LARGE1: variants seen among roughly 807,000 people sequenced by gnomAD.
The protein encoded by LARGE1 is LARGE xylosyl- and glucuronyltransferase 1, also known as xylosyl- and glucuronyltransferase LARGE1.
LARGE1 carries 43 observed loss-of-function variants against 87.6 expected under a neutral mutation model. That is an observed-to-expected ratio of 0.49 (90% CI 0.38 to 0.63). The LOEUF is 0.63. LARGE1 is among the 30% of genes least tolerant of loss of function. The pLI, the probability that LARGE1 is intolerant of heterozygous loss-of-function variation, is 0.00. For synonymous variants in LARGE1, 434 were observed against 394.6 expected, an observed-to-expected ratio of 1.10 and a Z score of -1.18; for missense variants, 802 against 1,000.2, an observed-to-expected ratio of 0.80 and a Z score of 2.67.
chr22:33,775,446 C>G (rs1249288161), intron 1 of LARGE1, among the ~76,000 whole-genome samples: 1 of 152,224 alleles, frequency 6.6e-6, no homozygotes, highest in African/African-American at 2.4e-5. Context: ...GCTAGACTTT[C>G]CCACACCAAC....
At chr22:33,304,745 A>G (rs1205528159) in intron 11 of LARGE1, among the ~76,000 whole-genome samples, 1 of 151,790 alleles carries the variant, frequency 6.6e-6, no homozygotes, top group Non-Finnish European at 1.5e-5. Flanking sequence ...GTTGTATCCC[A>G]CTATAAGCCT....
At chr22:33,267,601 G>A (rs1252892873), downstream of LARGE1, among the ~76,000 whole-genome samples, 3 of 151,242 alleles carry the variant, frequency 2.0e-5, no homozygotes, top group Non-Finnish European at 1.5e-5. Context: ...AGAGTGATCA[G>A]CCGATTGTGA....
At chr22:33,183,303 C>T (rs545591487) in intron 11 of LARGE1, among the ~76,000 whole-genome samples, 1 of 152,076 alleles carries the variant, frequency 6.6e-6, no homozygotes, top group South Asian at 2.1e-4. Context: ...CTTAAGATGG[C>T]TATTATCAAC....
intron 9 of LARGE1, among the ~76,000 whole-genome samples, chr22:33,367,906 TTTAAA>T (rs1325715879): frequency 6.6e-6 from 1 of 152,216 alleles, no homozygotes; most frequent in African/African-American, 2.4e-5. Flanking sequence ...TAGTTTTCAA[TTTAAA>T]TTATTTATGT....
chr22:33,681,866 C>T (rs1428905280), intron 2 of LARGE1, among the ~76,000 whole-genome samples: 2 of 152,234 alleles, frequency 1.3e-5, no homozygotes, highest in Admixed American at 1.3e-4. Flanking sequence ...AATGTCACAG[C>T]CCACTTTTAC....
rs1001907937 is a variant in LARGE1 at position 33,252,175 on chromosome 22, A to G, written c.1730+52054T>C. On this transcript the variant is annotated intron_variant, in intron 11 of 11. Coordinates refer to the LARGE1 transcript ENST00000608642. ...ATGAATGAGTTAACTAATCAAATAA[A>G]CCTTTGATAACTCCTAATAATTATT... is the stretch of plus-strand genomic sequence containing the variant. Among the ~76,000 whole-genome samples, 18 of 151,962 alleles carry G rather than the reference A, an allele frequency of 1.2e-4. 1 individual carries two copies. Among genetic ancestry groups the G allele is most frequent in the Non-Finnish European group, 1.5e-5 (1 of 67,982 alleles).
chr22:33,534,248 C>A (rs1387152916), intron 6 of LARGE1, among the ~76,000 whole-genome samples: 3 of 151,826 alleles, frequency 2.0e-5, no homozygotes, highest in African/African-American at 7.3e-5. Context: ...ACTAAAAATA[C>A]AAAAAATTAG....
chr22:33,871,297 A>G (rs2064273356), intron 1 of LARGE1, among the ~76,000 whole-genome samples: 1 of 152,234 alleles, frequency 6.6e-6, no homozygotes. Context: ...CAGACAGAGT[A>G]AAATAAAGCT....
At chr22:33,336,069 G>C (rs1314755813) in intron 10 of LARGE1, among the ~76,000 whole-genome samples, 5 of 152,320 alleles carry the variant, frequency 3.3e-5, no homozygotes, top group South Asian at 4.1e-4. Flanking sequence ...AGGTACTTCT[G>C]TGTCTAATAC....
intron 4 of LARGE1, among the ~76,000 whole-genome samples, chr22:33,613,976 C>G (rs1391129208): frequency 7.9e-5 from 12 of 152,160 alleles, no homozygotes; most frequent in African/African-American, 2.9e-4. Flanking sequence ...GGGGTATGCC[C>G]TGGGCCCCCC....
At chr22:33,346,058 C>T (rs1939705256) in intron 9 of LARGE1, among the ~76,000 whole-genome samples, 1 of 152,126 alleles carries the variant, frequency 6.6e-6, no homozygotes, top group African/African-American at 2.4e-5. Context: ...GATAGGTAGG[C>T]CTGATGCAAA....
At chr22:33,584,236 T>C (rs991213149) in intron 5 of LARGE1, among the ~76,000 whole-genome samples, 2 of 152,234 alleles carry the variant, frequency 1.3e-5, no homozygotes, top group African/African-American at 2.4e-5. Context: ...CGAAAGCCTG[T>C]CATTAACTCA....
intron 3 of LARGE1, among the ~76,000 whole-genome samples, chr22:33,627,888 C>T (rs566754749): frequency 2.6e-5 from 4 of 152,290 alleles, no homozygotes; most frequent in African/African-American, 7.2e-5. Flanking sequence ...GGACTCAGAG[C>T]CTCACATCAC....
chr22:33,390,966 G>A (rs1211196765), intron 7 of LARGE1, among the ~76,000 whole-genome samples: 1 of 152,060 alleles, frequency 6.6e-6, no homozygotes. Context: ...CAAAGTGCTG[G>A]GAACACAGGT....
chr22:33,341,561 C>T (rs1465424459), intron 9 of LARGE1, among the ~76,000 whole-genome samples: 1 of 152,070 alleles, frequency 6.6e-6, no homozygotes, highest in African/African-American at 2.4e-5. Context: ...ATAAATACTG[C>T]TCTAGAAGAC....
intron 6 of LARGE1, among the ~76,000 whole-genome samples, chr22:33,450,460 A>AG (rs1485898878): frequency 2.0e-5 from 3 of 151,074 alleles, no homozygotes; most frequent in Admixed American, 6.6e-5. Flanking sequence ...AAAAAAAAAA[A>AG]AAATTAGCCA....
At chr22:33,390,592 T>C (rs555751318) in intron 7 of LARGE1, among the ~76,000 whole-genome samples, 79 of 152,236 alleles carry the variant, frequency 5.2e-4, no homozygotes, top group Non-Finnish European at 9.6e-4. Context: ...TCATGTGGGC[T>C]TCTGGGAATC....
chr22:33,494,892 C>T (rs1025418796), intron 6 of LARGE1, among the ~76,000 whole-genome samples: 1 of 152,172 alleles, frequency 6.6e-6, no homozygotes, highest in African/African-American at 2.4e-5. Context: ...AGAGGGCAGG[C>T]AACTCTCCTC....
chr22:33,754,222 T>C (rs1336494279), intron 2 of LARGE1, among the ~76,000 whole-genome samples: 2 of 152,206 alleles, frequency 1.3e-5, no homozygotes, highest in African/African-American at 4.8e-5. Flanking sequence ...TTCTTTGGGA[T>C]GCATGTGTCA....
Sources: allele counts gnomAD v4.1 joint callset (sites outside exome capture counted in the v4.1 genomes callset), GRCh38; gene constraint gnomAD v4.1.1; transcripts MANE v1.5; gene names NCBI Gene and HGNC (gene_info 2026-07-23, HGNC 2026-07-21).